The following ZNF813 variants were observed in gnomAD, a reference collection of about 807,000 sequenced individuals.
ZNF813 encodes the protein zinc finger protein 813.
Under a neutral mutation model 7.2 loss-of-function variants are expected in ZNF813, and 3 were observed. The observed-to-expected ratio is 0.42, with a 90% CI of 0.19 to 1.08. The LOEUF is 1.08. Ranked by LOEUF, ZNF813 falls within the 50% of genes least tolerant of loss-of-function variation. The pLI is 0.30. For missense variants in ZNF813, 714 were observed against 753.3 expected (o/e 0.95, Z 0.61); for synonymous variants, 227 against 256.3 (o/e 0.89, Z 1.09).
chr19:53,480,408 G>T lies in ZNF813; in HGVS notation c.-73-3342G>T, dbSNP rs1600111056. On this transcript the variant is annotated intron_variant, in intron 1 of 3. Transcript: ENST00000396403. Reference sequence around the variant, plus strand: ...ATAATTACTTCTGGAAGATGCCTTTGTCACATCCTATAATCAGCTCACATC... The same window carrying T: ...ATAATTACTTCTGGAAGATGCCTTTTTCACATCCTATAATCAGCTCACATC... Among the ~76,000 whole-genome samples, 4 of 148,654 alleles carry T rather than the reference G, an allele frequency of 2.7e-5. 1 individual carries two copies. In the South Asian group the frequency reaches 8.4e-4, roughly 31 times the overall value.
intron 2 of ZNF813, among the ~76,000 whole-genome samples, chr19:53,485,549 TATGTATGTCATGACATATATAC>T (rs1161269869): frequency 6.8e-6 from 1 of 148,118 alleles, no homozygotes; most frequent in African/African-American, 2.5e-5. Flanking sequence ...TGTTGACATA[TATGTATGTCATGACATATATAC>T]ATGTATGTCA....
chr19:53,472,031 A>T (rs12459822), intron 1 of ZNF813, among the ~76,000 whole-genome samples: 2 of 151,704 alleles, frequency 1.3e-5, no homozygotes, highest in Admixed American at 1.3e-4. Context: ...CGTAACTTCT[A>T]GTCTGCATGC....
chr19:53,491,073 A>T lies in ZNF813; in HGVS notation c.841A>T (p.Ser281Cys), dbSNP rs754919394. ...GTGTAATGAGTGTGGCAAGACTTTC[A>T]GTCAGACGTATTCCCTTACATGCCA... is the stretch of plus-strand genomic sequence containing the variant. ...YRCNECGKTF[S>C]QTYSLTCHRR... The change falls in exon 4 of 4, where the codon AGT (serine) becomes TGT (cysteine). Residue 281 changes from serine to cysteine, a missense_variant. By Grantham distance (112) the Ser-to-Cys change is moderately radical. Transcript: ENST00000396403. The T allele has an allele frequency of 6.2e-7, 1 of 1,614,178 alleles. No homozygotes were observed. The highest frequency in any genetic ancestry group is 8.5e-7 in the Non-Finnish European group (1 of 1,180,000).
At position 53,490,616 on chromosome 19, in the gene ZNF813, A is replaced by G; in HGVS notation, c.384A>G (p.Gln128=). 1 of 1,614,212 alleles carries G rather than the reference A, an allele frequency of 6.2e-7. No individual in the cohort carries two copies. The highest frequency in any genetic ancestry group is 8.5e-7 in the Non-Finnish European group (1 of 1,180,036). Reference sequence around the variant, plus strand: ...CTGGTAGTGCAGACCGATATGATCAAAGGCATGCTGGAAACAAGCCTATTA... The same window carrying G: ...CTGGTAGTGCAGACCGATATGATCAGAGGCATGCTGGAAACAAGCCTATTA... ...KLTGSADRYD[Q]RHAGNKPIKD... The change falls in exon 4 of 4, where the codon CAA becomes CAG. Residue 128 remains glutamine, a synonymous_variant. Transcript: ENST00000396403.
chr19:53,472,759 T>G (rs1472491335), intron 1 of ZNF813, among the ~76,000 whole-genome samples: 1 of 151,918 alleles, frequency 6.6e-6, no homozygotes, highest in Non-Finnish European at 1.5e-5. Flanking sequence ...ATTACAGGCA[T>G]GTACCACCAT....
rs144293529 is a variant in ZNF813, at chr19:53,479,499, C to T, written c.-73-4251C>T. The stretch of plus-strand genomic sequence containing the variant: ...AACAGGCTGAGGCTGAAGTGGCCTC[C>T]GTGAACGGTAGGATCCAGCTGGTTG... On this transcript the variant is annotated intron_variant, in intron 1 of 3. Coordinates refer to ENST00000396403, the MANE Select transcript of ZNF813 (RefSeq NM_001004301.4). 4.9e-4 allele frequency: 691 copies of T among 1,403,632 alleles called. 4 individuals are homozygous for T. In the East Asian group the frequency reaches 0.011, roughly 22 times the overall value. 86.9% of individuals were successfully genotyped at this position (1,403,632 alleles called of 1,614,324 possible). A position where few individuals can be genotyped will look rare whatever the true frequency, so the allele number is the denominator to read the frequency against.
At chr19:53,485,136 A>G (rs574777118) in intron 2 of ZNF813, among the ~76,000 whole-genome samples, 22 of 152,262 alleles carry the variant, frequency 1.4e-4, no homozygotes, top group African/African-American at 5.1e-4. Flanking sequence ...AAAAAAAAAT[A>G]CTTTTTTGCA....
At position 53,491,271 on chromosome 19, in the gene ZNF813, A is replaced by C. The variant is rs563804184; in HGVS notation, c.1039A>C (p.Arg347=). The change falls in exon 4 of 4, where the codon AGA becomes CGA. Residue 347 remains arginine, a synonymous_variant. Transcript: ENST00000396403. ...GACGTCATCCCTTACATGCCATCGT[A>C]GACTTCATACTGGAGAGAAACCTTT... is the stretch of plus-strand genomic sequence containing the variant. ...SQTSSLTCHR[R]LHTGEKPFKC... The C allele has an allele frequency of 1.9e-6, 3 of 1,614,150 alleles. No homozygotes were observed. Among genetic ancestry groups the C allele is most frequent in the Non-Finnish European group, 8.5e-7 (1 of 1,179,984 alleles).
chr19:53,480,813 T>C (rs1600111187), intron 1 of ZNF813, among the ~76,000 whole-genome samples: 1 of 152,324 alleles, frequency 6.6e-6, no homozygotes, highest in East Asian at 1.9e-4. Context: ...ATGGGTTGGA[T>C]TGGCATGGAA....
intron 1 of ZNF813, among the ~76,000 whole-genome samples, chr19:53,475,746 T>C (rs951626550): frequency 2.0e-5 from 3 of 152,172 alleles, no homozygotes; most frequent in African/African-American, 4.8e-5. Flanking sequence ...TCTGGTTGTT[T>C]GGATAAATGT....
Position 53,496,161 on chromosome 19 carries a change from T to G in ZNF813, c.*4075T>G, listed in dbSNP as rs1338005590. The G allele has an allele frequency of 5.0e-6, 1 of 201,866 alleles. No individual in the cohort carries two copies. Among genetic ancestry groups the G allele is most frequent in the Non-Finnish European group, 1.1e-5 (1 of 94,902 alleles). 12.5% of individuals were successfully genotyped at this position (201,866 alleles called of 1,614,324 possible). On this transcript the variant is annotated 3_prime_UTR_variant, in exon 4 of 4. Coordinates refer to ENST00000396403, the MANE Select transcript of ZNF813 (RefSeq NM_001004301.4). ...GAAATGTTTTATTGGGAATATGTTT[T>G]TTCTCTGAATCTGCTATGAACACGT...
chr19:53,484,848 G>A (rs1386048716), intron 2 of ZNF813, among the ~76,000 whole-genome samples: 4 of 152,232 alleles, frequency 2.6e-5, no homozygotes, highest in African/African-American at 4.8e-5. Flanking sequence ...TTACAGGTGC[G>A]AGGCACCGTG....
chr19:53,492,018 C>T lies in ZNF813; in HGVS notation c.1786C>T (p.Arg596Cys), dbSNP rs750545382. ...KVFNQKANLA[R>C]HHRLHTGEKP... ...TTTTAATCAAAAAGCAAACCTTGCA[C>T]GTCATCATAGACTTCATACTGGAGA... The change falls in exon 4 of 4, where the codon CGT (arginine) becomes TGT (cysteine). Residue 596 changes from arginine (R) to cysteine (C), a missense_variant. Arg to Cys is a radical substitution (Grantham distance 180, BLOSUM62 -3). This residue lies in a region of ZNF813 where 122 missense variants were observed against 146.8 expected (regional missense o/e 0.83). Coordinates refer to ENST00000396403, the MANE Select transcript of ZNF813 (RefSeq NM_001004301.4). 20 of 1,612,362 alleles carry T rather than the reference C, an allele frequency of 1.2e-5. No homozygotes were observed. Among genetic ancestry groups the T allele is most frequent in the South Asian group, 8.8e-5 (8 of 90,946 alleles).
intron 2 of ZNF813, 60 bp from the exon 3 acceptor site, chr19:53,486,572 T>G: frequency 1.2e-6 from 2 of 1,613,158 alleles, no homozygotes; most frequent in Non-Finnish European, 1.7e-6. Context: ...CTCTTCTCAT[T>G]TTCTGTGAAG....
chr19:53,490,516 A>G lies in ZNF813; in HGVS notation c.284A>G (p.His95Arg). The G allele has an allele frequency of 1.2e-6, 2 of 1,614,222 alleles. No homozygotes were observed. The highest frequency in any genetic ancestry group is 1.7e-6 in the Non-Finnish European group (2 of 1,180,046). ...FRFQEIDKDI[H>R]NLEFQWQEDE... is the part of the protein sequence containing the mutation. Reference sequence around the variant, plus strand: ...TTTCAGGAAATTGATAAAGATATTCATAACTTAGAGTTTCAGTGGCAAGAA... The same window carrying G: ...TTTCAGGAAATTGATAAAGATATTCGTAACTTAGAGTTTCAGTGGCAAGAA... Residue 95 changes from histidine (H) to arginine (R), a missense_variant, in exon 4 of 4, where the codon CAT becomes CGT. Physicochemically the swap from His to Arg is conservative, Grantham distance 29 (BLOSUM62 0). Coordinates refer to ENST00000396403, the MANE Select transcript of ZNF813 (RefSeq NM_001004301.4).
chr19:53,479,898 G>T, intron 1 of ZNF813: 3 of 905,070 alleles, frequency 3.3e-6, no homozygotes, highest in Middle Eastern at 2.2e-4. Flanking sequence ...GAAGACAAAT[G>T]TGAGGAAGAG....
intron 1 of ZNF813, among the ~76,000 whole-genome samples, chr19:53,477,592 G>T (rs748732760): frequency 6.6e-6 from 1 of 152,110 alleles, no homozygotes; most frequent in Non-Finnish European, 1.5e-5. Context: ...GGGGCAAGGG[G>T]ATTGCTTGAG....
At chr19:53,477,043 GCTGA>G (rs1284050426) in intron 1 of ZNF813, among the ~76,000 whole-genome samples, 2 of 152,106 alleles carry the variant, frequency 1.3e-5, no homozygotes, top group Non-Finnish European at 2.9e-5. Context: ...GCAAAGATAG[GCTGA>G]CTAACTGGTG....
intron 1 of ZNF813, chr19:53,480,182 C>G: frequency 1.3e-6 from 1 of 757,898 alleles, no homozygotes; most frequent in Non-Finnish European, 2.4e-6. Flanking sequence ...TACCTGAGGG[C>G]TGATCTTCAA....
Sources: gnomAD v4.1 joint callset for allele counts (sites outside exome capture counted in the v4.1 genomes callset) on GRCh38, gnomAD v4.1.1 for gene constraint, gnomAD v4.1.1 regional missense constraint, MANE v1.5 for transcripts, NCBI Gene and HGNC (gene_info 2026-07-23, HGNC 2026-07-21) for gene names.